The following SNX29 variants were observed in gnomAD, a reference collection of about 807,000 sequenced individuals.
SNX29 encodes the protein sorting nexin-29.
In SNX29, 78 loss-of-function variants were observed where a neutral mutation model predicts 102.1. The ratio of observed to expected loss-of-function variants is 0.76; its 90% CI spans 0.64 to 0.92. SNX29 has a LOEUF of 0.92. Ranked by LOEUF, SNX29 falls within the 40% of genes least tolerant of loss-of-function variation. The pLI is 0.00. For synonymous variants in SNX29, 580 were observed against 414.5 expected (o/e 1.40, Z -4.85); for missense variants, 1,280 against 1,061.7 (o/e 1.21, Z -2.86).
At chr16:12,538,518 CAT>C (rs1454053423) in intron 20 of SNX29, among the ~76,000 whole-genome samples, 13 of 152,132 alleles carry the variant, frequency 8.5e-5, no homozygotes, top group African/African-American at 2.2e-4. Flanking sequence ...TATGTGATAA[CAT>C]ATTGCTTATG....
In SNX29 at chr16:12,544,345, C is replaced by G. The variant is rs117530058; in HGVS notation, c.2318+19504C>G. On this transcript the variant is annotated intron_variant, in intron 20 of 20. Coordinates refer to ENST00000566228, the MANE Select transcript of SNX29 (RefSeq NM_032167.5). ...AGTCATGAGGCAGGAAAAGTCAGTA[C>G]TGTTGGAAAGGAGAAGTGATGCTGG... Among the ~76,000 whole-genome samples the G allele has an allele frequency of 7.9e-3, 1,198 of 152,288 alleles. 6 individuals carry two copies. Among genetic ancestry groups the G allele is most frequent in the Non-Finnish European group, 0.013 (897 of 68,034 alleles).
At chr16:12,173,563 T>G (rs1246406840) in intron 13 of SNX29, among the ~76,000 whole-genome samples, 1 of 152,206 alleles carries the variant, frequency 6.6e-6, no homozygotes, top group Non-Finnish European at 1.5e-5. Flanking sequence ...ATTCTAGCTC[T>G]CTCTCATTCT....
At chr16:12,507,954 A>G (rs929290401) in intron 19 of SNX29, among the ~76,000 whole-genome samples, 2 of 152,168 alleles carry the variant, frequency 1.3e-5, no homozygotes, top group Non-Finnish European at 2.9e-5. Flanking sequence ...TGTGTAAACA[A>G]AGGTGCAAAT....
rs150515505 is a variant in SNX29 at position 12,560,539 on chromosome 16, T to G, written c.2319-7967T>G. Among the ~76,000 whole-genome samples the G allele has an allele frequency of 9.9e-4, 151 of 152,200 alleles. 1 individual carries two copies. The highest frequency in any genetic ancestry group is 1.5e-3 in the Non-Finnish European group (105 of 68,036). On this transcript the variant is annotated intron_variant, in intron 20 of 20. Coordinates refer to ENST00000566228, the MANE Select transcript of SNX29 (RefSeq NM_032167.5). ...TCCACCTTCCAAGACCATTTCTATT[T>G]CTGGTTGAAACGTTGCTCAGTGTGA...
chr16:12,011,950 AC>A (rs1219587892), intron 3 of SNX29, among the ~76,000 whole-genome samples: 3 of 152,038 alleles, frequency 2.0e-5, no homozygotes, highest in Admixed American at 6.6e-5. Flanking sequence ...TAAACTCAAA[AC>A]TTTTTTTTGT....
chr16:12,454,550 C>T lies in SNX29; in HGVS notation c.2038-23169C>T, dbSNP rs755606920. On this transcript the variant is annotated intron_variant, in intron 18 of 20. Coordinates refer to ENST00000566228, the MANE Select transcript of SNX29 (RefSeq NM_032167.5). ...TTCCATGGGCCACAGGTGCTGCTGG[C>T]GAATGTGGCTTGCTGCTCAGTTGAA... Among the ~76,000 whole-genome samples, 20 of 152,046 alleles carry T rather than the reference C, an allele frequency of 1.3e-4. 1 individual carries two copies. The highest frequency in any genetic ancestry group is 2.0e-4 in the Admixed American group (3 of 15,266).
intron 19 of SNX29, among the ~76,000 whole-genome samples, chr16:12,479,634 G>A (rs1300584516): frequency 6.6e-6 from 1 of 152,124 alleles, no homozygotes; most frequent in African/African-American, 2.4e-5. Flanking sequence ...GAAAAGAGGG[G>A]AAAATTATAT....
At chr16:12,232,588 T>C (rs948341908) in intron 14 of SNX29, among the ~76,000 whole-genome samples, 1 of 152,178 alleles carries the variant, frequency 6.6e-6, no homozygotes, top group Non-Finnish European at 1.5e-5. Flanking sequence ...GAGTTTTCGT[T>C]TTTAATCTTT....
At position 12,547,593 on chromosome 16, in the gene SNX29, C is replaced by T. The variant is rs186974141; in HGVS notation, c.2319-20913C>T. Among the ~76,000 whole-genome samples, 925 of 152,072 alleles carry T rather than the reference C, an allele frequency of 6.1e-3. 13 individuals are homozygous for T. The highest frequency in any genetic ancestry group is 0.021 in the African/African-American group (890 of 41,468). On this transcript the variant is annotated intron_variant, in intron 20 of 20. Transcript: ENST00000566228. The stretch of plus-strand genomic sequence containing the variant: ...CCTCCCTCACGAGGATTAAATACAC[C>T]CCCACGAAGTCAGCCTCAGCACCAC...
At chr16:12,232,559 G>A (rs1195260741) in intron 14 of SNX29, among the ~76,000 whole-genome samples, 1 of 152,194 alleles carries the variant, frequency 6.6e-6, no homozygotes, top group Non-Finnish European at 1.5e-5. Context: ...GCTTTTGTTT[G>A]CTTTGGTAAA....
At chr16:12,360,655 C>G (rs1268789572) in intron 16 of SNX29, among the ~76,000 whole-genome samples, 1 of 152,082 alleles carries the variant, frequency 6.6e-6, no homozygotes, top group South Asian at 2.1e-4. Context: ...CCCCCCACCC[C>G]CTACCGTATT....
chr16:12,478,870 C>G (rs2087778043), intron 19 of SNX29, among the ~76,000 whole-genome samples: 1 of 152,154 alleles, frequency 6.6e-6, no homozygotes, highest in East Asian at 1.9e-4. Flanking sequence ...CACTCTGCGA[C>G]CAAACTGGAG....
intron 20 of SNX29, among the ~76,000 whole-genome samples, chr16:12,539,991 CTTCTTTTCAGT>C (rs571652008): frequency 5.3e-4 from 80 of 151,248 alleles, no homozygotes; most frequent in Admixed American, 4.1e-3. Flanking sequence ...TAGTCTTCAG[CTTCTTTTCAGT>C]GTCTTTTGCA....
At chr16:12,552,567 A>G (rs1211459491) in intron 20 of SNX29, among the ~76,000 whole-genome samples, 1 of 152,060 alleles carries the variant, frequency 6.6e-6, no homozygotes, top group African/African-American at 2.4e-5. Flanking sequence ...CAGGCCAGCC[A>G]AGTTGCTGCC....
At chr16:12,484,061 A>T (rs910664532) in intron 19 of SNX29, among the ~76,000 whole-genome samples, 1 of 152,182 alleles carries the variant, frequency 6.6e-6, no homozygotes, top group Non-Finnish European at 1.5e-5. Context: ...ATCCAAAACT[A>T]TACATGCCTG....
chr16:12,092,832 G>T (rs2052612958), intron 11 of SNX29, among the ~76,000 whole-genome samples: 1 of 152,196 alleles, frequency 6.6e-6, no homozygotes, highest in Non-Finnish European at 1.5e-5. Context: ...TTTCCCCCTT[G>T]CCTACTGTCT....
Position 12,137,632 on chromosome 16 carries a change from C to T in SNX29, c.1595+7874C>T, listed in dbSNP as rs566404266. Among the ~76,000 whole-genome samples, 358 of 152,282 alleles carry T rather than the reference C, an allele frequency of 2.4e-3. 3 individuals are homozygous for T. The highest frequency in any genetic ancestry group is 3.1e-3 in the Non-Finnish European group (213 of 68,024). On this transcript the variant is annotated intron_variant, in intron 13 of 20. Transcript: ENST00000566228. The stretch of plus-strand genomic sequence containing the variant: ...TGAAGGCTTTAAATCTCACACTCCA[C>T]CCTGAGGGTCAGCCTCTGCCTTCCT...
chr16:12,572,931 A>G lies in SNX29; in HGVS notation c.*4302A>G. ...ACGGCAGACTTGGAGTGTTTCTTCA[A>G]GGCAGGCATCTGCTTATGAGCAAGG... On this transcript the variant is annotated 3_prime_UTR_variant, in exon 21 of 21. Coordinates refer to ENST00000566228, the MANE Select transcript of SNX29 (RefSeq NM_032167.5). 1.1e-6 allele frequency: 1 copy of G among 894,204 alleles called. No homozygotes were observed. The highest frequency in any genetic ancestry group is 5.2e-5 in the East Asian group (1 of 19,078). 55.4% of individuals were successfully genotyped at this position (894,204 alleles called of 1,614,324 possible).
chr16:12,517,924 TC>T (rs1419066425), intron 19 of SNX29, among the ~76,000 whole-genome samples: 3 of 151,780 alleles, frequency 2.0e-5, no homozygotes, highest in Admixed American at 1.3e-4. Context: ...ACAGGAGACA[TC>T]AGGAGACTGT....
Sources: gnomAD v4.1 joint callset for allele counts (sites outside exome capture counted in the v4.1 genomes callset) on GRCh38, gnomAD v4.1.1 for gene constraint, MANE v1.5 for transcripts, NCBI Gene and HGNC (gene_info 2026-07-23, HGNC 2026-07-21) for gene names.